The following EYA4 variants were observed in gnomAD, a reference collection of about 807,000 sequenced individuals.
EYA4 encodes protein phosphatase EYA4.
EYA4 carries 31 observed loss-of-function variants against 87.9 expected under a neutral mutation model. That is an observed-to-expected ratio of 0.35 (90% CI 0.27 to 0.48). The LOEUF (loss-of-function observed/expected upper bound fraction) is 0.48. Ranked by LOEUF, EYA4 falls within the 20% of genes least tolerant of loss-of-function variation. The pLI is 0.99. For synonymous variants in EYA4, 263 were observed against 270.6 expected, an observed-to-expected ratio of 0.97 and a Z score of 0.28; for missense variants, 678 against 761.4, an observed-to-expected ratio of 0.89 and a Z score of 1.29.
At chr6:133,320,528 T>C (rs1028246647) in intron 2 of EYA4, among the ~76,000 whole-genome samples, 12 of 152,198 alleles carry the variant, frequency 7.9e-5, no homozygotes, top group Admixed American at 2.6e-4. Flanking sequence ...TTCATTTTTC[T>C]TTTTTTGTTA....
intron 11 of EYA4, among the ~76,000 whole-genome samples, chr6:133,477,084 T>C (rs898973286): frequency 6.6e-6 from 1 of 152,048 alleles, no homozygotes; most frequent in Non-Finnish European, 1.5e-5. Context: ...CCCTTCCCCT[T>C]CTGCCATGAT....
In EYA4 at chr6:133,482,876, A is replaced by C. The variant is rs75829586; in HGVS notation, c.1108-156A>C. Reference sequence around the variant, plus strand: ...CTGCTCCTCAGGCTTTATAGGAGTTAGATTTGGCAAATTTGAAAAACAAAA... The same window carrying C: ...CTGCTCCTCAGGCTTTATAGGAGTTCGATTTGGCAAATTTGAAAAACAAAA... On this transcript the variant is annotated intron_variant, in intron 12 of 19. Transcript: ENST00000355286. 0.029 allele frequency among the ~76,000 whole-genome samples: 4,368 copies of C among 152,248 alleles called. 222 individuals are homozygous for C. Among genetic ancestry groups the C allele is most frequent in the African/African-American group, 0.097 (4,029 of 41,534 alleles).
chr6:133,509,774 C>G (rs1798981819), intron 14 of EYA4, among the ~76,000 whole-genome samples: 1 of 152,054 alleles, frequency 6.6e-6, no homozygotes, highest in Non-Finnish European at 1.5e-5. Flanking sequence ...AAAGTTAGTT[C>G]TAGAATATTT....
chr6:133,278,600 A>G (rs1343081973), intron 2 of EYA4, among the ~76,000 whole-genome samples: 2 of 152,210 alleles, frequency 1.3e-5, no homozygotes, highest in Non-Finnish European at 2.9e-5. Context: ...TTATTCTCAG[A>G]GTAGATTACT....
chr6:133,503,153 T>C (rs1262760870), intron 13 of EYA4, among the ~76,000 whole-genome samples: 1 of 152,182 alleles, frequency 6.6e-6, no homozygotes, highest in African/African-American at 2.4e-5. Flanking sequence ...ATTATGCTTG[T>C]TTGCATGCTT....
intron 2 of EYA4, among the ~76,000 whole-genome samples, chr6:133,372,755 A>G (rs1785369660): frequency 6.6e-6 from 1 of 151,548 alleles, no homozygotes. Context: ...AGAAATATTT[A>G]TATTTTATAT....
chr6:133,333,675 C>G (rs1157396525), intron 2 of EYA4, among the ~76,000 whole-genome samples: 1 of 152,158 alleles, frequency 6.6e-6, no homozygotes. Context: ...ACAGCAATGT[C>G]TAACACCAAA....
intron 12 of EYA4, among the ~76,000 whole-genome samples, chr6:133,482,812 G>A (rs1451069329): frequency 6.6e-6 from 1 of 152,076 alleles, no homozygotes; most frequent in Non-Finnish European, 1.5e-5. Flanking sequence ...TTATTCAAGC[G>A]AGGACATCTG....
At chr6:133,279,644 G>T (rs962709863) in intron 2 of EYA4, among the ~76,000 whole-genome samples, 1 of 152,026 alleles carries the variant, frequency 6.6e-6, no homozygotes, top group Non-Finnish European at 1.5e-5. Context: ...TCTAGAGCTA[G>T]TTTAGTAAAT....
At chr6:133,258,032 C>T (rs1022695) in intron 1 of EYA4, among the ~76,000 whole-genome samples, 61,471 of 151,856 alleles carry the variant, frequency 0.4, 12,847 homozygotes, top group South Asian at 0.54. Context: ...ATTTTTTTCA[C>T]GATCATGAAA....
At chr6:133,394,808 G>A (rs559466780) in intron 3 of EYA4, among the ~76,000 whole-genome samples, 3 of 152,256 alleles carry the variant, frequency 2.0e-5, no homozygotes, top group South Asian at 4.1e-4. Flanking sequence ...CAAAAATAGC[G>A]AAGCATAAAT....
chr6:133,521,001 T>C (rs1800072170), intron 17 of EYA4, among the ~76,000 whole-genome samples: 1 of 151,570 alleles, frequency 6.6e-6, no homozygotes, highest in African/African-American at 2.4e-5. Flanking sequence ...GACCTAAAAC[T>C]ATAAAAACCC....
At chr6:133,377,871 T>C (rs1785837151) in intron 2 of EYA4, among the ~76,000 whole-genome samples, 2 of 151,978 alleles carry the variant, frequency 1.3e-5, no homozygotes, top group South Asian at 4.1e-4. Context: ...GCAAGGTGGG[T>C]CGTTCCCAGA....
intron 1 of EYA4, among the ~76,000 whole-genome samples, chr6:133,272,107 A>G (rs563878972): frequency 3.9e-5 from 6 of 152,314 alleles, no homozygotes; most frequent in African/African-American, 1.4e-4. Flanking sequence ...CACTGCTCAA[A>G]GTTCTGCCAA....
At chr6:133,295,153 C>T (rs1582876457) in intron 2 of EYA4, among the ~76,000 whole-genome samples, 1 of 152,092 alleles carries the variant, frequency 6.6e-6, no homozygotes, top group Admixed American at 6.6e-5. Flanking sequence ...ATAAGTTATA[C>T]AAAATTAATG....
intron 5 of EYA4, among the ~76,000 whole-genome samples, chr6:133,451,666 A>G (rs1218533892): frequency 6.6e-6 from 1 of 152,220 alleles, no homozygotes; most frequent in Non-Finnish European, 1.5e-5. Flanking sequence ...AGTCTAGCAG[A>G]GGGAGGCAGA....
At chr6:133,504,454 A>G (rs991459290) in intron 13 of EYA4, among the ~76,000 whole-genome samples, 7 of 152,180 alleles carry the variant, frequency 4.6e-5, no homozygotes, top group African/African-American at 1.7e-4. Flanking sequence ...AAATCTCTAA[A>G]TGAGAAGATG....
rs76579907 is a variant in EYA4 at position 133,346,562 on chromosome 6, G to A, written c.34-35830G>A. Among the ~76,000 whole-genome samples, 11 of 152,200 alleles carry A rather than the reference G, an allele frequency of 7.2e-5. 1 individual carries two copies. The East Asian group carries it at 2.1e-3, about 29-fold the overall frequency. On this transcript the variant is annotated intron_variant, in intron 2 of 19. Transcript: ENST00000355286. ...AGAACATTCTACAAGTCTTTTATTTGTGCAGTTCCTTAATTACTACTATTT... is the reference window on the plus strand; with the variant it reads ...AGAACATTCTACAAGTCTTTTATTTATGCAGTTCCTTAATTACTACTATTT...
At position 133,531,145 on chromosome 6, in the gene EYA4, C is replaced by T; in HGVS notation, c.*2340C>T. ...CACCCCTTGGAAGGGCAAAGAGAAG[C>T]CGGCTGGTTGCATCACCCCGTGCAG... On this transcript the variant is annotated 3_prime_UTR_variant, in exon 20 of 20. Transcript: ENST00000355286. 1 of 1,530,022 alleles carries T rather than the reference C, an allele frequency of 6.5e-7. No individual in the cohort carries two copies. The highest frequency in any genetic ancestry group is 1.4e-5 in the African/African-American group (1 of 72,994). The allele number at this position is 1,530,022 out of a possible 1,614,324, so 94.8% of individuals were successfully genotyped here.
Sources: allele counts gnomAD v4.1 joint callset (sites outside exome capture counted in the v4.1 genomes callset), GRCh38; gene constraint gnomAD v4.1.1; transcripts MANE v1.5; gene names NCBI Gene and HGNC (gene_info 2026-07-23, HGNC 2026-07-21).